PRAMEF4: variants seen among roughly 807,000 people sequenced by gnomAD.
PRAMEF4 encodes RP5-845O24.6.
PRAMEF4 carries 18 observed loss-of-function variants against 34.4 expected under a neutral mutation model. The ratio of observed to expected loss-of-function variants is 0.52; its 90% CI spans 0.36 to 0.78. The LOEUF (loss-of-function observed/expected upper bound fraction) is 0.78. Ranked by LOEUF, PRAMEF4 falls within the 30% of genes least tolerant of loss-of-function variation. PRAMEF4 has a pLI of 0.00. For missense variants in PRAMEF4, 482 were observed against 569.1 expected (o/e 0.85, Z 1.56); for synonymous variants, 156 against 219.3 (o/e 0.71, Z 2.55).
In PRAMEF4 at chr1:12,882,061, A is replaced by G. The variant is rs758926572; in HGVS notation, c.668T>C (p.Leu223Pro). 6.3e-6 allele frequency: 10 copies of G among 1,590,050 alleles called. 1 individual carries two copies. The highest frequency in any genetic ancestry group is 1.7e-5 in the Admixed American group (1 of 57,416). ...EVNCKWVLPI[L>P]TQFTPYLGHM... ...GCCCAGGTATGGGGTAAACTGTGTC[A>G]GGATGGGCAGTACCCACTTGCAATT... The change falls in exon 3 of 4, where the codon CTG (leucine) becomes CCG (proline). Residue 223 changes from leucine to proline, a missense_variant. Transcript: ENST00000235349.
chr1:12,879,705 C>T lies in PRAMEF4; in HGVS notation c.1276G>A (p.Gly426Ser), dbSNP rs757632408. The change falls in exon 4 of 4, where the codon GGT (glycine) becomes AGT (serine). Residue 426 changes from glycine (G) to serine (S), a missense_variant. Physicochemically the swap from Gly to Ser is moderately conservative, Grantham distance 56. Coordinates refer to ENST00000235349, the MANE Select transcript of PRAMEF4 (RefSeq NM_001009611.4). Reference sequence around the variant, plus strand: ...GCAAATCTGCTCCAGCAGAGAGTACCATCAGCACCATAACTCTCCCGGGGG... The same window carrying T: ...GCAAATCTGCTCCAGCAGAGAGTACTATCAGCACCATAACTCTCCCGGGGG... The part of the protein sequence containing the change: ...PAPRESYGAD[G>S]TLCWSRFAQI... 17 of 1,601,328 alleles carry T rather than the reference C, an allele frequency of 1.1e-5. 2 individuals are homozygous for T. The Admixed American group carries it at 2.6e-4, about 25-fold the overall frequency.
chr1:12,885,313 A>G (rs977629995), intron 1 of PRAMEF4, among the ~76,000 whole-genome samples: 12 of 149,876 alleles, frequency 8.0e-5, no homozygotes, highest in Non-Finnish European at 1.3e-4. Flanking sequence ...TGGGTGGAAG[A>G]GGATGTGATT....
chr1:12,884,574 G>A, intron 1 of PRAMEF4, among the ~76,000 whole-genome samples: 1 of 147,032 alleles, frequency 6.8e-6, no homozygotes, highest in East Asian at 2.0e-4. Flanking sequence ...AATTAGCCAG[G>A]TGCAGTGGTC....
At chr1:12,880,443 G>T (rs1640866473) in intron 3 of PRAMEF4, among the ~76,000 whole-genome samples, 1 of 150,488 alleles carries the variant, frequency 6.6e-6, no homozygotes, top group South Asian at 2.1e-4. Context: ...AGGTGTGGTG[G>T]GGGGAGCCTG....
intron 1 of PRAMEF4, among the ~76,000 whole-genome samples, chr1:12,885,176 C>G (rs2100428554): frequency 6.6e-6 from 1 of 150,712 alleles, no homozygotes; most frequent in African/African-American, 2.4e-5. Context: ...GTCGCCCAGG[C>G]TGGAGTGCAG....
At chr1:12,885,533 C>G (rs1640985346) in intron 1 of PRAMEF4, among the ~76,000 whole-genome samples, 1 of 148,514 alleles carries the variant, frequency 6.7e-6, no homozygotes, top group Non-Finnish European at 1.5e-5. Context: ...GTAATCCCAG[C>G]ACTTTGGGAG....
chr1:12,881,146 A>C (rs1041152122), intron 3 of PRAMEF4, among the ~76,000 whole-genome samples: 2 of 148,182 alleles, frequency 1.3e-5, no homozygotes, highest in Admixed American at 1.4e-4. Flanking sequence ...TGGGTGGATC[A>C]CCTGAAGTCA....
Position 12,881,876 on chromosome 1 carries a change from C to T in PRAMEF4, c.853G>A (p.Gly285Ser). Reference protein sequence around the residue: ...LYMNSVSFLEGHLDQLLSCLK... With the variant: ...LYMNSVSFLESHLDQLLSCLK... ...CACCTGAGCAGCTGGTCCAGGTGGC[C>T]TTCGAGGAAAGAAACAGAGTTCATA... Residue 285 changes from glycine (G) to serine (S), a missense_variant, in exon 3 of 4, where the codon GGC (glycine) becomes AGC (serine). By Grantham distance (56) the Gly-to-Ser change is moderately conservative. Transcript: ENST00000235349. 1.3e-6 allele frequency: 2 copies of T among 1,575,730 alleles called. No individual in the cohort carries two copies. Among genetic ancestry groups the T allele is most frequent in the Non-Finnish European group, 1.7e-6 (2 of 1,159,836 alleles).
At chr1:12,883,640 C>A (rs1235087117) in intron 1 of PRAMEF4, among the ~76,000 whole-genome samples, 1 of 148,444 alleles carries the variant, frequency 6.7e-6, no homozygotes, top group East Asian at 2.0e-4. Context: ...CCCTTCCTTT[C>A]TATCCAGTGC....
chr1:12,881,981 C>A lies in PRAMEF4; in HGVS notation c.748G>T (p.Val250Phe). 5 of 1,587,776 alleles carry A rather than the reference C, an allele frequency of 3.1e-6. 1 individual carries two copies. The highest frequency in any genetic ancestry group is 4.3e-6 in the Non-Finnish European group (5 of 1,173,150). ...ATCTCCTTCTTCTGCTCTGGGGAAA[C>A]GTAGCGAGAGACATCCATGTGGGAG... ...ILSHMDVSRY[V>F]SPEQKKEIVT... The change falls in exon 3 of 4, where the codon GTT becomes TTT. Residue 250 changes from valine (V) to phenylalanine (F), a missense_variant. Around this residue, in one of 6 missense-constraint regions of PRAMEF4, gnomAD observed 81 missense variants for 73.1 expected, o/e 1.11. Transcript: ENST00000235349.
chr1:12,884,730 C>A (rs1640962442), intron 1 of PRAMEF4, among the ~76,000 whole-genome samples: 1 of 148,802 alleles, frequency 6.7e-6, no homozygotes. Context: ...GAGAGAGCTA[C>A]ATTTGACTAG....
Position 12,881,921 on chromosome 1 carries a change from G to A in PRAMEF4, c.808C>T (p.Arg270Cys), listed in dbSNP as rs4514247. 149,577 of 1,587,514 alleles carry A rather than the reference G, an allele frequency of 0.094. 2,600 individuals carry two copies. The highest frequency in any genetic ancestry group is 0.16 in the Middle Eastern group (746 of 4,766). ...TQFTTQFLKL[R>C]CLQKLYMNSV... is the part of the protein sequence containing the mutation. Reference sequence around the variant, plus strand: ...TTCATATAAAGCTTTTGGAGGCAGCGCAGCTTGAGGAACTGAGTGGTGAAC... The same window carrying A: ...TTCATATAAAGCTTTTGGAGGCAGCACAGCTTGAGGAACTGAGTGGTGAAC... Residue 270 changes from arginine (R) to cysteine (C), a missense_variant, in exon 3 of 4, where the codon CGC becomes TGC. Arg to Cys is a radical substitution (Grantham distance 180). Around this residue, in one of 6 missense-constraint regions of PRAMEF4, gnomAD observed 81 missense variants for 73.1 expected, o/e 1.11. Transcript: ENST00000235349.
rs562920609 is a variant in PRAMEF4 at position 12,881,986 on chromosome 1, C to A, written c.743G>T (p.Arg248Leu). 1.3e-6 allele frequency: 2 copies of A among 1,588,262 alleles called. No homozygotes were observed. The highest frequency in any genetic ancestry group is 4.5e-5 in the East Asian group (2 of 44,286). The change falls in exon 3 of 4, where the codon CGC becomes CTC. Residue 248 changes from arginine (R) to leucine (L), a missense_variant. By Grantham distance (102) the Arg-to-Leu change is moderately radical. Around this residue, in one of 6 missense-constraint regions of PRAMEF4, gnomAD observed 81 missense variants for 73.1 expected, o/e 1.11. Coordinates refer to ENST00000235349, the MANE Select transcript of PRAMEF4 (RefSeq NM_001009611.4). ...KLILSHMDVS[R>L]YVSPEQKKEI... Reference sequence around the variant, plus strand: ...CTTCTTCTGCTCTGGGGAAACGTAGCGAGAGACATCCATGTGGGAGAGAAT... The same window carrying A: ...CTTCTTCTGCTCTGGGGAAACGTAGAGAGAGACATCCATGTGGGAGAGAAT...
At chr1:12,884,734 T>A (rs1483254940) in intron 1 of PRAMEF4, among the ~76,000 whole-genome samples, 2 of 148,990 alleles carry the variant, frequency 1.3e-5, no homozygotes, top group Non-Finnish European at 3.0e-5. Flanking sequence ...GAGCTACATT[T>A]GACTAGACTT....
intron 1 of PRAMEF4, among the ~76,000 whole-genome samples, chr1:12,884,083 A>G (rs1195265518): frequency 6.8e-6 from 1 of 146,026 alleles, no homozygotes; most frequent in Admixed American, 7.2e-5. Flanking sequence ...ATCTCAGCTC[A>G]GTGCAGCCTT....
rs1304093602 is a variant in PRAMEF4 at position 12,882,911 on chromosome 1, G to C, written c.293+191C>G. ...ATGGTGCCTTTCAGTGCCATTAGAG[G>C]AGAGGTTCCTGTTACCTCCATGGAC... On this transcript the variant is annotated intron_variant, in intron 2 of 3. Coordinates refer to ENST00000235349, the MANE Select transcript of PRAMEF4 (RefSeq NM_001009611.4). Among the ~76,000 whole-genome samples, 37 of 147,126 alleles carry C rather than the reference G, an allele frequency of 2.5e-4. 2 individuals are homozygous for C. The highest frequency in any genetic ancestry group is 4.5e-5 in the Non-Finnish European group (3 of 67,216).
rs537959309 is a variant in PRAMEF4, at chr1:12,885,472, AC to A, written c.-17+674del. On this transcript the variant is annotated intron_variant, in intron 1 of 3. Transcript: ENST00000235349. ...TCTTCTGGGCTCAAGTGATTCTCCC[AC>A]ACCAGCCACCCAAATAGCTGGGACT... 5.2e-3 allele frequency among the ~76,000 whole-genome samples: 776 copies of A among 149,444 alleles called. 48 individuals carry two copies. Among genetic ancestry groups the A allele is most frequent in the African/African-American group, 0.018 (726 of 40,276 alleles).
At chr1:12,880,378 C>T (rs1311348011) in intron 3 of PRAMEF4, among the ~76,000 whole-genome samples, 1 of 150,474 alleles carries the variant, frequency 6.6e-6, no homozygotes. Context: ...GAGTTTGAGA[C>T]CAGCCTGCTG....
In PRAMEF4 at chr1:12,883,110, A is replaced by G. The variant is rs1203374024; in HGVS notation, c.285T>C (p.Val95=). 2 of 1,601,110 alleles carry G rather than the reference A, an allele frequency of 1.2e-6. No individual in the cohort carries two copies. Among genetic ancestry groups the G allele is most frequent in the Non-Finnish European group, 1.7e-6 (2 of 1,174,176 alleles). ...CACCTGGGCCACCTCACCTGGGACG[A>G]ACCCCTAGGTTAAGCAGTGCATCCA... The part of the protein sequence containing the change: ...DGLDALLNLG[V]RPRRWKLQVL... Residue 95 remains valine (V), a synonymous_variant, in exon 2 of 4, where the codon GTT becomes GTC. Transcript: ENST00000235349.
Sources: gnomAD v4.1 joint callset for allele counts (sites outside exome capture counted in the v4.1 genomes callset) on GRCh38, gnomAD v4.1.1 for gene constraint, gnomAD v4.1.1 regional missense constraint, MANE v1.5 for transcripts, NCBI Gene and HGNC (gene_info 2026-07-23, HGNC 2026-07-21) for gene names.